The following INPP4B variants were observed in gnomAD, a reference collection of about 807,000 sequenced individuals.
INPP4B encodes inositol polyphosphate 4-phosphatase type II.
INPP4B carries 55 observed loss-of-function variants against 122.5 expected under a neutral mutation model. The observed-to-expected ratio is 0.45, with a 90% CI of 0.36 to 0.56. The LOEUF (loss-of-function observed/expected upper bound fraction) is 0.56. Ranked by LOEUF, INPP4B falls within the 20% of genes least tolerant of loss-of-function variation. The probability of loss-of-function intolerance (pLI) is 0.00; values close to 1 mark genes in which losing one functional copy is unlikely to be tolerated. For synonymous variants in INPP4B, 403 were observed against 388.7 expected, an observed-to-expected ratio of 1.04 and a Z score of -0.43; for missense variants, 1,000 against 1,097.7, an observed-to-expected ratio of 0.91 and a Z score of 1.26.
At chr4:142,347,334 T>C (rs1780610851) in intron 7 of INPP4B, 2 of 191,168 alleles carry the variant, frequency 1.0e-5, no homozygotes, top group Non-Finnish European at 1.1e-5. Context: ...GTCTGAGGAG[T>C]GAGTTTTTCA....
At chr4:142,757,057 C>T (rs538613283) in intron 1 of INPP4B, among the ~76,000 whole-genome samples, 27 of 152,262 alleles carry the variant, frequency 1.8e-4, no homozygotes, top group Non-Finnish European at 3.7e-4. Flanking sequence ...AGATCTATGG[C>T]TTCCAGCCCC....
rs886956562 is a variant in INPP4B, at chr4:142,025,542, T to C, written c.*3240A>G. ...CAGCCCACCAGTGGTATTGTGTCTC[T>C]TGGTACACTATCAACTTTTACATAG... On this transcript the variant is annotated 3_prime_UTR_variant, in exon 26 of 26. Transcript: ENST00000262992. 1.3e-5 allele frequency: 2 copies of C among 152,194 alleles called. No individual in the cohort carries two copies. The highest frequency in any genetic ancestry group is 2.9e-5 in the Non-Finnish European group (2 of 68,034). The allele number at this position is 152,194 out of a possible 1,614,324, so 9.4% of individuals were successfully genotyped here. A position where few individuals can be genotyped will look rare whatever the true frequency, so the allele number is the denominator to read the frequency against.
At chr4:142,271,624 T>C (rs534561340) in intron 9 of INPP4B, among the ~76,000 whole-genome samples, 22 of 152,196 alleles carry the variant, frequency 1.4e-4, no homozygotes, top group Non-Finnish European at 2.8e-4. Flanking sequence ...CATAAGAACA[T>C]GTAAAGCAGA....
At chr4:142,450,245 G>T (rs185270882) in intron 3 of INPP4B, among the ~76,000 whole-genome samples, 6 of 152,164 alleles carry the variant, frequency 3.9e-5, no homozygotes, top group African/African-American at 1.4e-4. Context: ...CCAGTTCATG[G>T]CATGCCAAAC....
chr4:142,144,222 T>TACACACACAC (rs35496129), intron 18 of INPP4B, among the ~76,000 whole-genome samples: 6 of 144,940 alleles, frequency 4.1e-5, no homozygotes, highest in Middle Eastern at 3.2e-3. Flanking sequence ...AAATACAAGA[T>TACACACACAC]ACACACACAC....
intron 1 of INPP4B, among the ~76,000 whole-genome samples, chr4:142,783,463 G>A (rs117164896): frequency 5.3e-5 from 8 of 152,156 alleles, no homozygotes; most frequent in East Asian, 3.9e-4. Flanking sequence ...TTGGAATTGG[G>A]TATCTTCCAT....
At chr4:142,268,347 T>G (rs1164500548) in intron 10 of INPP4B, among the ~76,000 whole-genome samples, 85 of 21,644 alleles carry the variant, frequency 3.9e-3, no homozygotes, top group Non-Finnish European at 6.2e-3. Context: ...AAAAAAAAAA[T>G]GAGGGGTAAG....
intron 1 of INPP4B, among the ~76,000 whole-genome samples, chr4:142,779,116 A>G (rs1242983421): frequency 6.6e-6 from 1 of 152,074 alleles, no homozygotes; most frequent in Non-Finnish European, 1.5e-5. Context: ...TCACTCCTAC[A>G]ACCCCGTCCA....
chr4:142,805,753 C>CAT (rs1322708632), intron 1 of INPP4B, among the ~76,000 whole-genome samples: 1 of 152,120 alleles, frequency 6.6e-6, no homozygotes, highest in East Asian at 1.9e-4. Flanking sequence ...GTGTATAATA[C>CAT]ATATAACATA....
At chr4:142,164,493 C>T (rs1497131) in intron 16 of INPP4B, among the ~76,000 whole-genome samples, 12,883 of 151,716 alleles carry the variant, frequency 0.085, 1,931 homozygotes, top group African/African-American at 0.29. Flanking sequence ...AATAGTGCTA[C>T]ACTCTGTCAT....
intron 1 of INPP4B, among the ~76,000 whole-genome samples, chr4:142,821,548 A>T (rs534596626): frequency 3.3e-4 from 50 of 152,288 alleles, no homozygotes; most frequent in Non-Finnish European, 6.2e-4. Context: ...TTTATTTTTC[A>T]AATTGCCATA....
intron 9 of INPP4B, among the ~76,000 whole-genome samples, chr4:142,293,177 T>C (rs1367662310): frequency 6.6e-6 from 1 of 152,002 alleles, no homozygotes; most frequent in Non-Finnish European, 1.5e-5. Context: ...TAGCTGGGAT[T>C]ACAGGTGCCT....
intron 2 of INPP4B, among the ~76,000 whole-genome samples, chr4:142,680,212 T>C (rs1758427192): frequency 6.6e-6 from 1 of 151,864 alleles, no homozygotes; most frequent in African/African-American, 2.4e-5. Flanking sequence ...AAACTCCACA[T>C]ATTTATATTA....
chr4:142,426,793 T>C (rs1435529586), intron 5 of INPP4B: 1 of 152,112 alleles, frequency 6.6e-6, no homozygotes, highest in Admixed American at 6.6e-5. Flanking sequence ...AATTGATTGG[T>C]GTGGCTGTTT....
chr4:142,498,472 T>A (rs1473723368), intron 2 of INPP4B, among the ~76,000 whole-genome samples: 1 of 152,042 alleles, frequency 6.6e-6, no homozygotes, highest in African/African-American at 2.4e-5. Flanking sequence ...AGAATCTTCC[T>A]ATTAAAAAGT....
At chr4:142,070,515 G>A (rs560642158) in intron 25 of INPP4B, among the ~76,000 whole-genome samples, 14 of 152,230 alleles carry the variant, frequency 9.2e-5, no homozygotes, top group East Asian at 3.9e-4. Context: ...GGAAATAAAT[G>A]GTATTCAATG....
intron 3 of INPP4B, among the ~76,000 whole-genome samples, chr4:142,434,138 C>G (rs1809924083): frequency 6.6e-6 from 1 of 152,100 alleles, no homozygotes; most frequent in African/African-American, 2.4e-5. Flanking sequence ...AATGGCAAAA[C>G]AAGTTTGAGG....
At chr4:142,730,530 T>C (rs952320204) in intron 1 of INPP4B, among the ~76,000 whole-genome samples, 3 of 152,216 alleles carry the variant, frequency 2.0e-5, no homozygotes, top group Non-Finnish European at 4.4e-5. Flanking sequence ...GTTCAGTTCT[T>C]ACTTCTCAGC....
intron 14 of INPP4B, among the ~76,000 whole-genome samples, chr4:142,194,205 T>TG (rs1024583063): frequency 6.6e-6 from 1 of 152,018 alleles, no homozygotes; most frequent in African/African-American, 2.4e-5. Flanking sequence ...ATTCAGAAAA[T>TG]GCAAGATCAC....
Sources: gnomAD v4.1 joint callset for allele counts (sites outside exome capture counted in the v4.1 genomes callset) on GRCh38, gnomAD v4.1.1 for gene constraint, MANE v1.5 for transcripts, NCBI Gene and HGNC (gene_info 2026-07-23, HGNC 2026-07-21) for gene names.